C8orf34: variants seen among roughly 807,000 people sequenced by gnomAD.
C8orf34 encodes chromosome 8 open reading frame 34.
Under a neutral mutation model 68.3 loss-of-function variants are expected in C8orf34, and 65 were observed. That is an observed-to-expected ratio of 0.95 (90% CI 0.78 to 1.17). The LOEUF (loss-of-function observed/expected upper bound fraction) is 1.17, where lower values mean the gene tolerates loss of function less well. Ranked by LOEUF, C8orf34 falls within the 50% of genes most tolerant of loss-of-function variation. C8orf34 has a pLI of 0.00. For missense variants in C8orf34, 664 were observed against 655.4 expected (o/e 1.01, Z -0.14); for synonymous variants, 244 against 241.2 (o/e 1.01, Z -0.11).
intron 8 of C8orf34, among the ~76,000 whole-genome samples, chr8:68,661,676 C>G (rs1819683508): frequency 6.6e-6 from 1 of 152,168 alleles, no homozygotes; most frequent in Non-Finnish European, 1.5e-5. Context: ...CTACCCCATT[C>G]CCCTAGGGCT....
chr8:68,770,084 C>T (rs1823296613), intron 10 of C8orf34, among the ~76,000 whole-genome samples: 1 of 152,170 alleles, frequency 6.6e-6, no homozygotes, highest in South Asian at 2.1e-4. Context: ...GACAGAAAAA[C>T]CAGTGATGAG....
intron 6 of C8orf34, among the ~76,000 whole-genome samples, chr8:68,528,124 T>C (rs927101526): frequency 6.6e-6 from 1 of 152,202 alleles, no homozygotes; most frequent in Non-Finnish European, 1.5e-5. Flanking sequence ...CTCTCCCCAG[T>C]AGCTTTGCTG....
intron 1 of C8orf34, among the ~76,000 whole-genome samples, chr8:68,386,131 G>A (rs889155364): frequency 5.3e-5 from 8 of 152,106 alleles, no homozygotes; most frequent in African/African-American, 1.9e-4. Flanking sequence ...GATCTTGAAT[G>A]CCTGGGCTTA....
At chr8:68,553,827 C>T (rs900162107) in intron 7 of C8orf34, among the ~76,000 whole-genome samples, 13 of 151,810 alleles carry the variant, frequency 8.6e-5, no homozygotes, top group African/African-American at 2.4e-4. Context: ...TCTCTTCTCA[C>T]ATTCTTGACT....
intron 2 of C8orf34, 75 bp from the exon 3 acceptor site, chr8:68,446,254 T>C: frequency 7.9e-7 from 1 of 1,265,046 alleles, no homozygotes; most frequent in South Asian, 1.5e-5. Flanking sequence ...GTATATTTAA[T>C]GACTTCGTGG....
At chr8:68,563,929 C>G (rs1373070413) in intron 7 of C8orf34, among the ~76,000 whole-genome samples, 1 of 152,124 alleles carries the variant, frequency 6.6e-6, no homozygotes, top group Non-Finnish European at 1.5e-5. Flanking sequence ...AATTTAGCTT[C>G]AGAAAATCAC....
upstream of C8orf34, chr8:68,330,813 G>T: frequency 4.1e-6 from 2 of 488,570 alleles, no homozygotes; most frequent in Non-Finnish European, 7.1e-6. Context: ...ACACACGCAC[G>T]CACGCACACA....
chr8:68,639,043 C>G (rs1286827996), intron 7 of C8orf34, among the ~76,000 whole-genome samples: 5 of 151,956 alleles, frequency 3.3e-5, no homozygotes, highest in Non-Finnish European at 7.4e-5. Context: ...GTAACAGACT[C>G]TCATGAGTGT....
intron 8 of C8orf34, among the ~76,000 whole-genome samples, chr8:68,705,091 T>G (rs1283914936): frequency 6.6e-6 from 1 of 152,186 alleles, no homozygotes; most frequent in East Asian, 1.9e-4. Context: ...TGGTTAGCCA[T>G]GTGCAATGAG....
chr8:68,484,985 A>G (rs1375543896), intron 4 of C8orf34, among the ~76,000 whole-genome samples: 2 of 152,230 alleles, frequency 1.3e-5, no homozygotes, highest in Admixed American at 6.5e-5. Context: ...AGTTGGCATA[A>G]TTAAAGGCAT....
At chr8:68,585,643 A>T (rs1817187055) in intron 7 of C8orf34, among the ~76,000 whole-genome samples, 1 of 152,018 alleles carries the variant, frequency 6.6e-6, no homozygotes, top group African/African-American at 2.4e-5. Context: ...GTCTCATGTG[A>T]GTTTGCAGTC....
chr8:68,756,327 G>A (rs997107283), intron 10 of C8orf34, among the ~76,000 whole-genome samples: 3 of 152,138 alleles, frequency 2.0e-5, no homozygotes, highest in Non-Finnish European at 4.4e-5. Flanking sequence ...ATTCCATTAT[G>A]TACTAATTCA....
At chr8:68,610,861 G>GTTTTTTTTTTTTTTTTTTTTTTTTTTT (rs60113883) in intron 7 of C8orf34, among the ~76,000 whole-genome samples, 1 of 120,476 alleles carries the variant, frequency 8.3e-6, no homozygotes, top group African/African-American at 3.5e-5. Context: ...TGAATCTTTG[G>GTTTTTTTTTTTTTTTTTTTTTTTTTTT]TTTTTTTTTT....
Position 68,648,649 on chromosome 8 carries a change from G to A in C8orf34, c.1241+8138G>A, listed in dbSNP as rs533206562. Among the ~76,000 whole-genome samples the A allele has an allele frequency of 2.4e-4, 37 of 152,272 alleles. No individual in the cohort carries two copies. In the South Asian group the frequency reaches 5.2e-3, roughly 21 times the overall value. On this transcript the variant is annotated intron_variant, in intron 8 of 13. Coordinates refer to ENST00000518698, the MANE Select transcript of C8orf34 (RefSeq NM_052958.4). ...TCAATAGTGCACAAAAAAGGGAGCC[G>A]AAAGCCATTTTAAAAGAAATTGGAT... is the stretch of plus-strand genomic sequence containing the variant.
At chr8:68,358,019 C>T (rs1806821235) in intron 1 of C8orf34, among the ~76,000 whole-genome samples, 1 of 152,056 alleles carries the variant, frequency 6.6e-6, no homozygotes. Flanking sequence ...CTTTTTCACT[C>T]CTTTGTTTAT....
intron 7 of C8orf34, among the ~76,000 whole-genome samples, chr8:68,589,661 G>A (rs1179309932): frequency 1.4e-5 from 2 of 143,966 alleles, no homozygotes; most frequent in Non-Finnish European, 3.0e-5. Context: ...GGAAGGAAAG[G>A]AGGAAAGGAG....
chr8:68,759,846 AT>A (rs577608075), intron 10 of C8orf34, among the ~76,000 whole-genome samples: 33 of 152,358 alleles, frequency 2.2e-4, no homozygotes, highest in Admixed American at 1.8e-3. Context: ...TAGTGCATCC[AT>A]TCATTCCACA....
Position 68,748,397 on chromosome 8 carries a change from A to C in C8orf34, c.1404+26960A>C, listed in dbSNP as rs551037772. On this transcript the variant is annotated intron_variant, in intron 10 of 13. Transcript: ENST00000518698. ...CAAAATTGACAAATGGGATCTAATTAAACTAAAGAGCTTCTGCACAGCAAA... is the reference window on the plus strand; with the variant it reads ...CAAAATTGACAAATGGGATCTAATTCAACTAAAGAGCTTCTGCACAGCAAA... Among the ~76,000 whole-genome samples, 13 of 147,968 alleles carry C rather than the reference A, an allele frequency of 8.8e-5. No individual in the cohort carries two copies. In the East Asian group the frequency reaches 1.8e-3, roughly 20 times the overall value.
chr8:68,685,981 A>T (rs28578946), intron 8 of C8orf34, among the ~76,000 whole-genome samples: 16 of 152,138 alleles, frequency 1.1e-4, no homozygotes, highest in African/African-American at 3.9e-4. Flanking sequence ...GAAATGCAAA[A>T]GATCATTCGA....
Sources: gnomAD v4.1 joint callset for allele counts (sites outside exome capture counted in the v4.1 genomes callset) on GRCh38, gnomAD v4.1.1 for gene constraint, MANE v1.5 for transcripts, NCBI Gene and HGNC (gene_info 2026-07-23, HGNC 2026-07-21) for gene names.